The following FAM171A1 variants were observed in gnomAD, a reference collection of about 807,000 sequenced individuals.
FAM171A1 encodes the protein protein FAM171A1.
In FAM171A1, 23 loss-of-function variants were observed where a neutral mutation model predicts 74.9. That is an observed-to-expected ratio of 0.31 (90% CI 0.22 to 0.44). The LOEUF is 0.44. FAM171A1 is among the 20% of genes least tolerant of loss of function. FAM171A1 has a pLI of 1.00. For synonymous variants in FAM171A1, 527 were observed against 505.7 expected (o/e 1.04, Z -0.57); for missense variants, 1,162 against 1,159.2 (o/e 1.00, Z -0.03).
chr10:15,353,676 G>C (rs1835902771), intron 1 of FAM171A1, among the ~76,000 whole-genome samples: 1 of 152,244 alleles, frequency 6.6e-6, no homozygotes, highest in South Asian at 2.1e-4. Flanking sequence ...CCGGACAAAG[G>C]GCATGGGAAA....
chr10:15,248,112 G>A (rs1457324207), intron 5 of FAM171A1, among the ~76,000 whole-genome samples: 1 of 152,132 alleles, frequency 6.6e-6, no homozygotes, highest in African/African-American at 2.4e-5. Flanking sequence ...CTTTTAGGGT[G>A]GTGTTACACA....
intron 5 of FAM171A1, among the ~76,000 whole-genome samples, chr10:15,233,933 A>G (rs1387449168): frequency 6.6e-6 from 1 of 151,358 alleles, no homozygotes. Context: ...GACATCAAAA[A>G]TGTGATACAT....
chr10:15,244,122 G>C (rs900618803), intron 5 of FAM171A1, among the ~76,000 whole-genome samples: 12 of 152,192 alleles, frequency 7.9e-5, no homozygotes, highest in Non-Finnish European at 8.8e-5. Flanking sequence ...GGGAAGCTGA[G>C]GTGGGTGGAT....
At chr10:15,216,392 A>C (rs552818556) in intron 6 of FAM171A1, among the ~76,000 whole-genome samples, 5 of 152,194 alleles carry the variant, frequency 3.3e-5, no homozygotes, top group African/African-American at 1.2e-4. Flanking sequence ...AGTGCGCCTC[A>C]CTTGGTAGCA....
chr10:15,249,396 G>T (rs537494455), intron 4 of FAM171A1, among the ~76,000 whole-genome samples: 2 of 152,246 alleles, frequency 1.3e-5, no homozygotes, highest in Non-Finnish European at 2.9e-5. Flanking sequence ...CACTGTGCCC[G>T]GTCAGGCTTG....
chr10:15,254,977 TC>T, intron 3 of FAM171A1, 98 bp from the exon 4 acceptor site: 1 of 1,100,086 alleles, frequency 9.1e-7, no homozygotes. Flanking sequence ...TCAGCACGCC[TC>T]CCCCACCCTG....
intron 3 of FAM171A1, among the ~76,000 whole-genome samples, chr10:15,263,900 TATCTATCC>T (rs1400980710): frequency 3.5e-5 from 4 of 112,864 alleles, no homozygotes; most frequent in African/African-American, 6.8e-5. Flanking sequence ...TCTATCTATC[TATCTATCC>T]GTCCATCCTT....
chr10:15,308,880 G>A (rs1189667095), intron 1 of FAM171A1, among the ~76,000 whole-genome samples: 3 of 151,966 alleles, frequency 2.0e-5, no homozygotes, highest in Non-Finnish European at 4.4e-5. Context: ...TGGCCAGGCT[G>A]GTCTCGAACT....
chr10:15,336,696 G>A (rs1474210953), intron 1 of FAM171A1, among the ~76,000 whole-genome samples: 1 of 152,142 alleles, frequency 6.6e-6, no homozygotes, highest in Non-Finnish European at 1.5e-5. Context: ...TATGGTTTTA[G>A]TTAATAAAAT....
At position 15,221,052 on chromosome 10, in the gene FAM171A1, G is replaced by C; in HGVS notation, c.763C>G (p.Leu255Val). The change falls in exon 6 of 8, where the codon CTG becomes GTG. Residue 255 changes from leucine to valine, a missense_variant. Coordinates refer to ENST00000378116, the MANE Select transcript of FAM171A1 (RefSeq NM_001010924.2). ...WRFDQKLGTWLKSGLGLVHQE... is the reference protein window; with the variant it reads ...WRFDQKLGTWVKSGLGLVHQE... ...TGCACAAGACCCAGACCGCTCTTCA[G>C]CCACGTTCCTGTGGAATTGAGAAAG... 1 of 1,613,914 alleles carries C rather than the reference G, an allele frequency of 6.2e-7. No homozygotes were observed. The highest frequency in any genetic ancestry group is 1.1e-5 in the South Asian group (1 of 91,016).
At chr10:15,358,899 T>TG (rs995767996) in intron 1 of FAM171A1, among the ~76,000 whole-genome samples, 3 of 152,178 alleles carry the variant, frequency 2.0e-5, no homozygotes, top group African/African-American at 4.8e-5. Flanking sequence ...GCAGCACAGT[T>TG]GGGGGGTGAA....
intron 1 of FAM171A1, among the ~76,000 whole-genome samples, chr10:15,370,222 G>A (rs542120148): frequency 6.7e-6 from 1 of 149,736 alleles, no homozygotes; most frequent in East Asian, 2.0e-4. Context: ...GCGACAAACT[G>A]ATCTGGAAAG....
At chr10:15,273,411 A>G (rs78212322) in intron 3 of FAM171A1, among the ~76,000 whole-genome samples, 2 of 152,218 alleles carry the variant, frequency 1.3e-5, no homozygotes. Flanking sequence ...CAGCCTACCA[A>G]CCAAAGAAAG....
Position 15,325,683 on chromosome 10 carries a change from A to T in FAM171A1, c.98-41578T>A, listed in dbSNP as rs1588554757. Among the ~76,000 whole-genome samples, 4 of 152,228 alleles carry T rather than the reference A, an allele frequency of 2.6e-5. No individual in the cohort carries two copies. The South Asian group carries it at 6.2e-4, about 24-fold the overall frequency. On this transcript the variant is annotated intron_variant, in intron 1 of 7. Transcript: ENST00000378116. ...GTAGAATCAAGCTTTGATATTGGCT[A>T]AATCCTGGCATGGACATCCCATTTG...
intron 3 of FAM171A1, among the ~76,000 whole-genome samples, chr10:15,257,491 TC>T (rs1834595793): frequency 6.6e-6 from 1 of 152,084 alleles, no homozygotes; most frequent in African/African-American, 2.4e-5. Flanking sequence ...CTCGAGCAGA[TC>T]AAGTGTTACA....
At position 15,322,090 on chromosome 10, in the gene FAM171A1, G is replaced by C. The variant is rs1223928074; in HGVS notation, c.98-37985C>G. On this transcript the variant is annotated intron_variant, in intron 1 of 7. Transcript: ENST00000378116. ...TCTCCATGCTCTGGTGGTAACCTCA[G>C]GCCCGATACAAGCATGGGTTATTAT... Among the ~76,000 whole-genome samples the C allele has an allele frequency of 2.0e-5, 3 of 152,186 alleles. No individual in the cohort carries two copies. In the East Asian group the frequency reaches 5.8e-4, roughly 29 times the overall value.
At chr10:15,283,773 T>C (rs1834999280) in intron 2 of FAM171A1, 105 bp downstream of exon 2, 3 of 1,085,960 alleles carry the variant, frequency 2.8e-6, no homozygotes, top group Admixed American at 2.1e-5. Flanking sequence ...TTTGTAGAGA[T>C]GCAGTCTCAC....
chr10:15,226,443 GA>G, intron 5 of FAM171A1, among the ~76,000 whole-genome samples: 1 of 152,176 alleles, frequency 6.6e-6, no homozygotes, highest in African/African-American at 2.4e-5. Flanking sequence ...TTCTTAGGCA[GA>G]AACTAATACA....
intron 3 of FAM171A1, among the ~76,000 whole-genome samples, chr10:15,272,223 A>G (rs1024696391): frequency 2.7e-4 from 41 of 152,272 alleles, no homozygotes; most frequent in African/African-American, 8.4e-4. Flanking sequence ...AAACAAACAA[A>G]AAAAGCAGGG....
Sources: gnomAD v4.1 joint callset for allele counts (sites outside exome capture counted in the v4.1 genomes callset) on GRCh38, gnomAD v4.1.1 for gene constraint, MANE v1.5 for transcripts, NCBI Gene and HGNC (gene_info 2026-07-23, HGNC 2026-07-21) for gene names.